The following SGCD variants were observed in gnomAD, a reference collection of about 807,000 sequenced individuals.
SGCD encodes the protein delta-sarcoglycan.
SGCD carries 18 observed loss-of-function variants against 36.6 expected under a neutral mutation model. That is an observed-to-expected ratio of 0.49 (90% CI 0.34 to 0.73). The LOEUF (loss-of-function observed/expected upper bound fraction) is 0.73. Among genes scored for constraint, SGCD ranks in the 30% least tolerant of loss-of-function variants. The pLI is 0.01. For synonymous variants in SGCD, 133 were observed against 130.6 expected (o/e 1.02, Z -0.12); for missense variants, 387 against 346.7 (o/e 1.12, Z -0.92).
the SGCD span, among the ~76,000 whole-genome samples, chr5:155,782,372 A>G: frequency 1.3e-5 from 2 of 152,036 alleles, no homozygotes; most frequent in Non-Finnish European, 2.9e-5. Context: ...GAAAGATTCC[A>G]TTTTAAAAAG....
intron 3 of SGCD, among the ~76,000 whole-genome samples, chr5:156,489,773 G>T (rs1169444645): frequency 6.6e-6 from 1 of 151,840 alleles, no homozygotes; most frequent in Non-Finnish European, 1.5e-5. Flanking sequence ...AAAGAAAGTG[G>T]AAGGATTTCT....
At chr5:156,487,788 CAAA>C (rs56006984) in intron 3 of SGCD, among the ~76,000 whole-genome samples, 1 of 41,382 alleles carries the variant, frequency 2.4e-5, no homozygotes, top group Non-Finnish European at 5.5e-5. Context: ...ACTCTGTCAC[CAAA>C]AAAAAAAAAA....
the SGCD span, among the ~76,000 whole-genome samples, chr5:155,730,644 C>A: frequency 3.3e-5 from 5 of 152,150 alleles, no homozygotes; most frequent in Non-Finnish European, 5.9e-5. Flanking sequence ...GCTGCCACAT[C>A]GCTGCCGACC....
At chr5:156,573,433 C>T (rs1398246314) in intron 4 of SGCD, among the ~76,000 whole-genome samples, 1 of 152,174 alleles carries the variant, frequency 6.6e-6, no homozygotes, top group African/African-American at 2.4e-5. Flanking sequence ...TGATTTAGGA[C>T]CCCACATGGA....
At position 156,174,494 on chromosome 5, in the gene SGCD, C is replaced by T. The variant is rs573247612; in HGVS notation, c.-44+50475C>T. Among the ~76,000 whole-genome samples, 11 of 152,284 alleles carry T rather than the reference C, an allele frequency of 7.2e-5. No individual in the cohort carries two copies. In the East Asian group the frequency reaches 9.7e-4, roughly 13 times the overall value. Reference sequence around the variant, plus strand: ...AGATCAAGCAGGGCCACCTGTGCTGCGCTGTTTCAGATTCCTAGATGAGCT... The same window carrying T: ...AGATCAAGCAGGGCCACCTGTGCTGTGCTGTTTCAGATTCCTAGATGAGCT... On this transcript the variant is annotated intron_variant, in intron 3 of 9. Transcript: ENST00000517913.
intron 3 of SGCD, among the ~76,000 whole-genome samples, chr5:156,434,357 A>AT (rs1477423243): frequency 1.3e-5 from 2 of 152,196 alleles, no homozygotes; most frequent in African/African-American, 4.8e-5. Context: ...CAAGCATACC[A>AT]TTTATTAAAC....
At chr5:155,882,895 A>G (rs922734261) in intron 1 of SGCD, among the ~76,000 whole-genome samples, 1 of 152,212 alleles carries the variant, frequency 6.6e-6, no homozygotes, top group South Asian at 2.1e-4. Context: ...CTCTCTAGCT[A>G]TCAAATCCCT....
intron 1 of SGCD, among the ~76,000 whole-genome samples, chr5:156,083,285 T>A (rs1299181536): frequency 1.3e-5 from 2 of 151,850 alleles, no homozygotes; most frequent in East Asian, 3.9e-4. Context: ...ATTAAATTTA[T>A]CATTTTTTTC....
At chr5:156,742,651 G>GAAAAGTCCCATGATCTGCTGT (rs1756744727) in intron 7 of SGCD, among the ~76,000 whole-genome samples, 1 of 152,170 alleles carries the variant, frequency 6.6e-6, no homozygotes, top group Non-Finnish European at 1.5e-5. Context: ...TACAGAAGCT[G>GAAAAGTCCCATGATCTGCTGT]AAAAGTCCCA....
intron 3 of SGCD, among the ~76,000 whole-genome samples, chr5:156,394,651 G>C (rs1040140916): frequency 4.6e-5 from 7 of 152,196 alleles, no homozygotes; most frequent in African/African-American, 1.4e-4. Context: ...ATATGTTAAT[G>C]TGATATAAAG....
At chr5:156,091,974 A>G (rs1011657763) in intron 1 of SGCD, among the ~76,000 whole-genome samples, 4 of 152,256 alleles carry the variant, frequency 2.6e-5, no homozygotes, top group African/African-American at 9.6e-5. Flanking sequence ...CATTTGGAGA[A>G]GCACATCCAG....
At chr5:156,150,629 T>A (rs894065240) in intron 3 of SGCD, among the ~76,000 whole-genome samples, 3 of 151,636 alleles carry the variant, frequency 2.0e-5, no homozygotes, top group Non-Finnish European at 2.9e-5. Flanking sequence ...AAGCGTGGAA[T>A]GTTGGAAGGA....
chr5:156,447,105 C>T (rs1325533834), intron 3 of SGCD, among the ~76,000 whole-genome samples: 1 of 152,104 alleles, frequency 6.6e-6, no homozygotes, highest in Non-Finnish European at 1.5e-5. Flanking sequence ...TAAAGGTCTG[C>T]AGGGAATTTC....
intron 3 of SGCD, among the ~76,000 whole-genome samples, chr5:156,266,560 G>A (rs1561591585): frequency 6.6e-6 from 1 of 152,128 alleles, no homozygotes; most frequent in Non-Finnish European, 1.5e-5. Flanking sequence ...ATAGCTCACT[G>A]CAGCCTCCAA....
intron 3 of SGCD, among the ~76,000 whole-genome samples, chr5:156,487,059 C>T (rs1415735860): frequency 6.6e-6 from 1 of 152,172 alleles, no homozygotes; most frequent in Non-Finnish European, 1.5e-5. Flanking sequence ...CTCACTCATA[C>T]TCACTACCAC....
intron 4 of SGCD, among the ~76,000 whole-genome samples, chr5:156,557,147 C>T (rs560070430): frequency 6.6e-6 from 1 of 152,128 alleles, no homozygotes; most frequent in African/African-American, 2.4e-5. Flanking sequence ...ATATTTCTAT[C>T]TTTCAAATAT....
chr5:155,832,808 TTTAA>T, the SGCD span, among the ~76,000 whole-genome samples: 12,332 of 152,044 alleles, frequency 0.081, 666 homozygotes, highest in African/African-American at 0.15. Flanking sequence ...CATTTTAAAT[TTTAA>T]TTAATAAGTA....
At chr5:156,281,603 CCT>C (rs1442453989) in intron 3 of SGCD, among the ~76,000 whole-genome samples, 1 of 152,100 alleles carries the variant, frequency 6.6e-6, no homozygotes, top group Non-Finnish European at 1.5e-5. Context: ...CTCTCCCTCT[CCT>C]GCCAAGAAAA....
intron 7 of SGCD, among the ~76,000 whole-genome samples, chr5:156,682,277 ATG>A (rs1040284164): frequency 3.9e-5 from 6 of 152,222 alleles, no homozygotes; most frequent in Admixed American, 3.9e-4. Context: ...CAAGTAGTAA[ATG>A]TATAGGTTTA....
Sources: gnomAD v4.1 joint callset for allele counts (sites outside exome capture counted in the v4.1 genomes callset) on GRCh38, gnomAD v4.1.1 for gene constraint, MANE v1.5 for transcripts, NCBI Gene and HGNC (gene_info 2026-07-23, HGNC 2026-07-21) for gene names.